The following GRK5 variants were observed in gnomAD, a reference collection of about 807,000 sequenced individuals.
GRK5 encodes the protein G protein-coupled receptor kinase 5.
GRK5 carries 40 observed loss-of-function variants against 78.4 expected under a neutral mutation model. The observed-to-expected ratio is 0.51, with a 90% CI of 0.40 to 0.66. The LOEUF (loss-of-function observed/expected upper bound fraction) is 0.66, where lower values mean the gene tolerates loss of function less well. Ranked by LOEUF, GRK5 falls within the 30% of genes least tolerant of loss-of-function variation. GRK5 has a pLI of 0.00. For missense variants in GRK5, 598 were observed against 759.9 expected (o/e 0.79, Z 2.50); for synonymous variants, 289 against 296.8 (o/e 0.97, Z 0.27).
rs1214640163 is a variant in GRK5, at chr10:119,394,577, C to G, written c.262-2118C>G. ...CGTGTATGTTTGGGTGTGTGTGTGT[C>G]TGTGTGTGGGTGTGTGTCTGTGTGT... is the stretch of plus-strand genomic sequence containing the variant. On this transcript the variant is annotated intron_variant, in intron 3 of 15. Coordinates refer to ENST00000392870, the MANE Select transcript of GRK5 (RefSeq NM_005308.3). Among the ~76,000 whole-genome samples, 18 of 2,396 alleles carry G rather than the reference C, an allele frequency of 7.5e-3. 2 individuals are homozygous for G. The highest frequency in any genetic ancestry group is 0.013 in the Non-Finnish European group (14 of 1,050). 1.6% of individuals were successfully genotyped at this position (2,396 alleles called of 152,430 possible).
intron 1 of GRK5, among the ~76,000 whole-genome samples, chr10:119,263,208 T>C (rs1038894506): frequency 9.9e-5 from 15 of 151,894 alleles, no homozygotes; most frequent in African/African-American, 2.7e-4. Flanking sequence ...GGTTTCACCA[T>C]GTTGGCCAGG....
At position 119,452,702 on chromosome 10, in the gene GRK5, A is replaced by C. The variant is rs765213146; in HGVS notation, c.1436A>C (p.Asp479Ala). The C allele has an allele frequency of 8.1e-6, 13 of 1,613,992 alleles. No homozygotes were observed. The Admixed American group carries it at 1.7e-4, about 21-fold the overall frequency. The change falls in exon 14 of 16, where the codon GAC becomes GCC. Residue 479 changes from aspartate (D) to alanine (A), a missense_variant. Transcript: ENST00000392870. The surrounding 1 kb of genome is among the most constrained non-coding windows in gnomAD (Gnocchi z 4.4). ...PRAVYCKDVLDIEQFSTVKGV... is the reference protein window; with the variant it reads ...PRAVYCKDVLAIEQFSTVKGV... ...GCTGTGTACTGTAAGGACGTGCTGGACATCGAGCAGTTCTCCACTGTGAAG... is the reference window on the plus strand; with the variant it reads ...GCTGTGTACTGTAAGGACGTGCTGGCCATCGAGCAGTTCTCCACTGTGAAG...
chr10:119,207,934 T>C lies in GRK5; in HGVS notation c.17T>C (p.Ile6Thr). The change falls in exon 1 of 16, where the codon ATC becomes ACC. Residue 6 changes from isoleucine (I) to threonine (T), a missense_variant. Physicochemically the swap from Ile to Thr is moderately conservative, Grantham distance 89. Coordinates refer to ENST00000392870, the MANE Select transcript of GRK5 (RefSeq NM_005308.3). MELEN[I>T]VANTVLLKAR... ...CGACTGTCAATGGAGCTGGAAAACATCGTGGCCAACACGGTCTTGCTGAAA... is the reference window on the plus strand; with the variant it reads ...CGACTGTCAATGGAGCTGGAAAACACCGTGGCCAACACGGTCTTGCTGAAA... 1 of 1,604,150 alleles carries C rather than the reference T, an allele frequency of 6.2e-7. No homozygotes were observed. The highest frequency in any genetic ancestry group is 8.5e-7 in the Non-Finnish European group (1 of 1,176,308).
intron 2 of GRK5, among the ~76,000 whole-genome samples, chr10:119,371,778 A>G (rs1311787745): frequency 6.6e-6 from 1 of 152,100 alleles, no homozygotes; most frequent in Non-Finnish European, 1.5e-5. Flanking sequence ...AAAACCCATC[A>G]TTTCCTGAGT....
chr10:119,444,340 G>C lies in GRK5; in HGVS notation c.1266+588G>C, dbSNP rs890891587. ...AAAAGCTGGGTGGGTGGGGCCAGATGGGGGGACTGGAAGCCAGATAAGGAG... is the reference window on the plus strand; with the variant it reads ...AAAAGCTGGGTGGGTGGGGCCAGATCGGGGGACTGGAAGCCAGATAAGGAG... On this transcript the variant is annotated intron_variant, in intron 12 of 15. Coordinates refer to ENST00000392870, the MANE Select transcript of GRK5 (RefSeq NM_005308.3). 2.6e-5 allele frequency among the ~76,000 whole-genome samples: 4 copies of C among 152,268 alleles called. No homozygotes were observed. In the East Asian group the frequency reaches 5.8e-4, roughly 22 times the overall value.
intron 1 of GRK5, among the ~76,000 whole-genome samples, chr10:119,240,596 T>C (rs1186705460): frequency 6.7e-6 from 1 of 149,850 alleles, no homozygotes; most frequent in African/African-American, 2.4e-5. Flanking sequence ...GATGATGAGC[T>C]TTTTTTTAAT....
At chr10:119,345,671 T>A (rs1190360393) in intron 2 of GRK5, among the ~76,000 whole-genome samples, 1 of 152,194 alleles carries the variant, frequency 6.6e-6, no homozygotes, top group Non-Finnish European at 1.5e-5. Flanking sequence ...ATCAAGGGTC[T>A]GTCCACTGCC....
chr10:119,286,388 T>G (rs916222137), intron 1 of GRK5, among the ~76,000 whole-genome samples: 2 of 152,200 alleles, frequency 1.3e-5, no homozygotes, highest in African/African-American at 2.4e-5. Flanking sequence ...AAAAGAGTGT[T>G]TTTGTATGTT....
At chr10:119,376,561 CT>C (rs3064490) in intron 2 of GRK5, among the ~76,000 whole-genome samples, 48,457 of 103,728 alleles carry the variant, frequency 0.47, 9,849 homozygotes, top group Admixed American at 0.61. Flanking sequence ...TCCCTAATGC[CT>C]TTTTTTTTTT....
At chr10:119,383,907 C>T (rs768425891) in intron 3 of GRK5, among the ~76,000 whole-genome samples, 2 of 152,160 alleles carry the variant, frequency 1.3e-5, no homozygotes, top group South Asian at 2.1e-4. Context: ...ACTAGGCCAT[C>T]GATTCTAGCA....
intron 1 of GRK5, among the ~76,000 whole-genome samples, chr10:119,272,887 G>A (rs779123819): frequency 1.3e-5 from 2 of 152,162 alleles, no homozygotes; most frequent in African/African-American, 2.4e-5. Context: ...AGGCCAGCCC[G>A]TTGTGGAGGG....
intron 2 of GRK5, among the ~76,000 whole-genome samples, chr10:119,341,287 C>T: frequency 6.6e-6 from 1 of 152,232 alleles, no homozygotes; most frequent in Non-Finnish European, 1.5e-5. Flanking sequence ...CCACCTGCTT[C>T]AGTAGCTTTC....
chr10:119,377,207 T>C (rs890135427), intron 2 of GRK5, among the ~76,000 whole-genome samples: 2 of 152,206 alleles, frequency 1.3e-5, no homozygotes, highest in African/African-American at 4.8e-5. Context: ...CCAGCTTCTG[T>C]TGAAACAGAT....
chr10:119,218,700 G>C (rs1376744401), intron 1 of GRK5, among the ~76,000 whole-genome samples: 1 of 152,146 alleles, frequency 6.6e-6, no homozygotes, highest in Non-Finnish European at 1.5e-5. Flanking sequence ...AAGGATACCT[G>C]AGCATCCAAC....
At chr10:119,383,220 C>T (rs895327907) in intron 3 of GRK5, among the ~76,000 whole-genome samples, 23 of 152,250 alleles carry the variant, frequency 1.5e-4, no homozygotes, top group African/African-American at 5.5e-4. Flanking sequence ...CGCGCCTGGC[C>T]TGGCTCCTTT....
chr10:119,225,494 G>A (rs1848720160), intron 1 of GRK5, among the ~76,000 whole-genome samples: 1 of 152,110 alleles, frequency 6.6e-6, no homozygotes, highest in South Asian at 2.1e-4. Flanking sequence ...GGGGGAAGAG[G>A]TTGGGAGGGG....
At position 119,291,999 on chromosome 10, in the gene GRK5, C is replaced by T. The variant is rs1589725797; in HGVS notation, c.53-34517C>T. 1.6e-5 allele frequency among the ~76,000 whole-genome samples: 2 copies of T among 124,374 alleles called. 1 individual carries two copies. The highest frequency in any genetic ancestry group is 6.1e-5 in the African/African-American group (2 of 32,622). 81.6% of individuals were successfully genotyped at this position (124,374 alleles called of 152,430 possible). On this transcript the variant is annotated intron_variant, in intron 1 of 15. Transcript: ENST00000392870. Reference sequence around the variant, plus strand: ...CCTCCTCTTCCTCCTTCTTCTCCTCCTCTTCCTCCTTCTCCTCCTCTTCCT... The same window carrying T: ...CCTCCTCTTCCTCCTTCTTCTCCTCTTCTTCCTCCTTCTCCTCCTCTTCCT...
intron 2 of GRK5, among the ~76,000 whole-genome samples, chr10:119,358,716 A>G (rs1851307338): frequency 1.3e-5 from 2 of 152,224 alleles, no homozygotes; most frequent in East Asian, 3.8e-4. Context: ...TCTTTGGATC[A>G]TCCACTTTGT....
intron 1 of GRK5, among the ~76,000 whole-genome samples, chr10:119,241,990 TAAATAAG>T: frequency 6.6e-6 from 1 of 152,086 alleles, no homozygotes; most frequent in East Asian, 1.9e-4. Flanking sequence ...AAATGTATGG[TAAATAAG>T]GGTTGTTTAG....
Sources: allele counts gnomAD v4.1 joint callset (sites outside exome capture counted in the v4.1 genomes callset), GRCh38; gene constraint gnomAD v4.1.1; non-coding constraint Gnocchi (gnomAD v3.1); transcripts MANE v1.5; gene names NCBI Gene and HGNC (gene_info 2026-07-23, HGNC 2026-07-21).